KAZN: variants seen among roughly 807,000 people sequenced by gnomAD.
KAZN encodes the protein kazrin.
Under a neutral mutation model 87.4 loss-of-function variants are expected in KAZN, and 40 were observed. The observed-to-expected ratio is 0.46, with a 90% CI of 0.36 to 0.60. The LOEUF is 0.60. KAZN is among the 20% of genes least tolerant of loss of function. The pLI is 0.00. For missense variants in KAZN, 898 were observed against 1,073.9 expected, an observed-to-expected ratio of 0.84 and a Z score of 2.29; for synonymous variants, 466 against 458.3, an observed-to-expected ratio of 1.02 and a Z score of -0.22.
At chr1:14,259,629 C>A (rs557655694) in intron 2 of KAZN, among the ~76,000 whole-genome samples, 1 of 152,176 alleles carries the variant, frequency 6.6e-6, no homozygotes, top group Non-Finnish European at 1.5e-5. Context: ...GGTTCATCAC[C>A]ATTTCCAGAG....
intron 2 of KAZN, among the ~76,000 whole-genome samples, chr1:14,532,533 T>A (rs2148482586): frequency 6.6e-6 from 1 of 151,632 alleles, no homozygotes. Context: ...GTTTGTTACA[T>A]ATGTATACAT....
chr1:14,449,451 C>G (rs1667148592), intron 2 of KAZN, among the ~76,000 whole-genome samples: 1 of 152,220 alleles, frequency 6.6e-6, no homozygotes. Flanking sequence ...TTGCACTGAC[C>G]TTGAGCTTAA....
chr1:14,403,453 A>G (rs1663583372), intron 2 of KAZN, among the ~76,000 whole-genome samples: 1 of 152,198 alleles, frequency 6.6e-6, no homozygotes, highest in South Asian at 2.1e-4. Context: ...TTTCAATTTT[A>G]TAAGCCTTTT....
At chr1:14,077,634 G>A (rs1368765337) in intron 1 of KAZN, among the ~76,000 whole-genome samples, 2 of 152,146 alleles carry the variant, frequency 1.3e-5, no homozygotes, top group African/African-American at 4.8e-5. Flanking sequence ...ACCAAAAGAT[G>A]GTGTAGATAA....
At chr1:14,052,957 G>C (rs534920077) in intron 1 of KAZN, among the ~76,000 whole-genome samples, 34 of 152,278 alleles carry the variant, frequency 2.2e-4, no homozygotes, top group Non-Finnish European at 4.0e-4. Flanking sequence ...ACCCGCAGGA[G>C]GTTTCCGGGC....
intron 2 of KAZN, among the ~76,000 whole-genome samples, chr1:14,465,893 G>A (rs2480053): frequency 0.12 from 18,790 of 152,050 alleles, 1,406 homozygotes; most frequent in East Asian, 0.21. Context: ...CAGTGGTCCC[G>A]TATGATTATA....
rs896137864 is a variant in KAZN at position 14,207,748 on chromosome 1, A to T, written c.249+27156A>T. Among the ~76,000 whole-genome samples the T allele has an allele frequency of 6.6e-5, 10 of 152,278 alleles. 1 individual carries two copies. Among genetic ancestry groups the T allele is most frequent in the Middle Eastern group, 3.4e-3 (1 of 294 alleles). ...TTGGAACATTCTAGAATGCCCAGGG[A>T]CATTCTAATATCTGAGAAAAAAACA... On this transcript the variant is annotated intron_variant, in intron 2 of 16. Coordinates refer to the KAZN transcript ENST00000636203.
At chr1:14,887,920 C>T (rs1355707823) in intron 1 of KAZN, among the ~76,000 whole-genome samples, 2 of 151,422 alleles carry the variant, frequency 1.3e-5, no homozygotes, top group African/African-American at 4.9e-5. Context: ...GGATGGGGAT[C>T]GTTAAGGGAA....
At chr1:14,193,561 T>C (rs1007983920) in intron 2 of KAZN, among the ~76,000 whole-genome samples, 2 of 152,146 alleles carry the variant, frequency 1.3e-5, no homozygotes, top group African/African-American at 4.8e-5. Flanking sequence ...TAAATTGCTG[T>C]TGTATCAGCC....
At chr1:14,818,533 G>C (rs1408990962) in intron 1 of KAZN, among the ~76,000 whole-genome samples, 2 of 152,240 alleles carry the variant, frequency 1.3e-5, no homozygotes, top group East Asian at 3.8e-4. Flanking sequence ...GGACAGCCCA[G>C]CAGGAGCTGC....
chr1:14,470,473 G>T (rs1557742221), intron 2 of KAZN, among the ~76,000 whole-genome samples: 1 of 152,216 alleles, frequency 6.6e-6, no homozygotes, highest in Non-Finnish European at 1.5e-5. Context: ...CCATTTGACA[G>T]TCTGGTCATG....
intron 1 of KAZN, among the ~76,000 whole-genome samples, chr1:14,030,295 T>C (rs769852236): frequency 8.6e-5 from 13 of 151,768 alleles, no homozygotes; most frequent in Non-Finnish European, 1.6e-4. Context: ...TTGGATGAAA[T>C]TGGAAATCAT....
At chr1:14,003,784 A>C (rs942248972) in intron 1 of KAZN, among the ~76,000 whole-genome samples, 3 of 152,206 alleles carry the variant, frequency 2.0e-5, no homozygotes, top group Admixed American at 2.0e-4. Flanking sequence ...AAGAAAATGT[A>C]GGAGAGCAGA....
chr1:14,773,400 C>T lies in KAZN; in HGVS notation c.226+174177C>T, dbSNP rs188744141. ...GCTTTCAACAACGCCCTCCACTCCA[C>T]GGGGTCTCCCTTCTTGTAGCATTTT... On this transcript the variant is annotated intron_variant, in intron 1 of 14. Coordinates refer to ENST00000376030, the MANE Select transcript of KAZN (RefSeq NM_201628.3). The surrounding 1 kb of genome is among the most constrained non-coding windows in gnomAD (Gnocchi z 5.9). 5.3e-5 allele frequency among the ~76,000 whole-genome samples: 8 copies of T among 152,248 alleles called. No homozygotes were observed. Among genetic ancestry groups the T allele is most frequent in the South Asian group, 2.1e-4 (1 of 4,822 alleles).
intron 1 of KAZN, among the ~76,000 whole-genome samples, chr1:14,796,534 A>G (rs1220850916): frequency 6.6e-6 from 1 of 152,196 alleles, no homozygotes; most frequent in Non-Finnish European, 1.5e-5. Flanking sequence ...GAAACTGACA[A>G]TTCTTCAGAC....
chr1:13,964,352 A>G (rs12118400), intron 1 of KAZN, among the ~76,000 whole-genome samples: 35,226 of 152,204 alleles, frequency 0.23, 4,400 homozygotes, highest in East Asian at 0.38. Flanking sequence ...GACAGTACTC[A>G]GGCAGGTAAA....
At chr1:14,275,444 C>CTGTGTGTGTG (rs60684981) in intron 2 of KAZN, among the ~76,000 whole-genome samples, 3,368 of 136,868 alleles carry the variant, frequency 0.025, 50 homozygotes, top group Non-Finnish European at 0.03. Flanking sequence ...GTGGTAAATA[C>CTGTGTGTGTG]TGTGTGTGTG....
chr1:14,944,006 G>A (rs146804321), intron 1 of KAZN, among the ~76,000 whole-genome samples: 28 of 152,176 alleles, frequency 1.8e-4, no homozygotes, highest in African/African-American at 5.8e-4. Context: ...CCCGGGAGGC[G>A]GAGGTTGTAC....
At chr1:14,825,914 A>G (rs1314629421) in intron 1 of KAZN, among the ~76,000 whole-genome samples, 1 of 152,184 alleles carries the variant, frequency 6.6e-6, no homozygotes, top group African/African-American at 2.4e-5. Flanking sequence ...GCACATTGAT[A>G]TCTCCAGCAC....
Sources: allele counts gnomAD v4.1 joint callset (sites outside exome capture counted in the v4.1 genomes callset), GRCh38; gene constraint gnomAD v4.1.1; non-coding constraint Gnocchi (gnomAD v3.1); transcripts MANE v1.5; gene names NCBI Gene and HGNC (gene_info 2026-07-23, HGNC 2026-07-21).